STARD3: variants seen among roughly 807,000 people sequenced by gnomAD.
STARD3 encodes the protein StAR related lipid transfer domain containing 3.
In STARD3, 39 loss-of-function variants were observed where a neutral mutation model predicts 62.0. The observed-to-expected ratio is 0.63, with a 90% CI of 0.49 to 0.82. The LOEUF (loss-of-function observed/expected upper bound fraction) is 0.82, where lower values mean the gene tolerates loss of function less well. Ranked by LOEUF, STARD3 falls within the 40% of genes least tolerant of loss-of-function variation. The probability of loss-of-function intolerance (pLI) is 0.00; values close to 1 mark genes in which losing one functional copy is unlikely to be tolerated. For missense variants in STARD3, 543 were observed against 584.5 expected (o/e 0.93, Z 0.73); for synonymous variants, 229 against 242.4 (o/e 0.94, Z 0.51).
At position 39,663,304 on chromosome 17, in the gene STARD3, G is replaced by A. The variant is rs528340131; in HGVS notation, c.*396G>A. On this transcript the variant is annotated 3_prime_UTR_variant, in exon 15 of 15. Transcript: ENST00000336308. The stretch of plus-strand genomic sequence containing the variant: ...GGGCTCTTCATCTGCCTGCGCTCTC[G>A]TCGGTTTTTTTAGGATTATTGAAAG... 25 of 384,930 alleles carry A rather than the reference G, an allele frequency of 6.5e-5. No individual in the cohort carries two copies. The highest frequency in any genetic ancestry group is 5.9e-4 in the East Asian group (16 of 27,024). 23.8% of individuals were successfully genotyped at this position (384,930 alleles called of 1,614,324 possible). A position where few individuals can be genotyped will look rare whatever the true frequency, so the allele number is the denominator to read the frequency against.
intron 1 of STARD3, among the ~76,000 whole-genome samples, chr17:39,649,865 C>CAAA (rs10713558): frequency 0.037 from 3,162 of 84,868 alleles, 89 homozygotes; most frequent in African/African-American, 0.084. Flanking sequence ...GACTCCGTCT[C>CAAA]AAAAAAAAAA....
chr17:39,657,109 G>A, intron 3 of STARD3, 24 bp downstream of exon 3: 1 of 1,612,486 alleles, frequency 6.2e-7, no homozygotes, highest in African/African-American at 1.3e-5. Flanking sequence ...GCTGATCCTG[G>A]GGACCCCGGA....
In STARD3 at chr17:39,663,071, G is replaced by A; in HGVS notation, c.*163G>A. 1.4e-6 allele frequency: 1 copy of A among 693,282 alleles called. No homozygotes were observed. The highest frequency in any genetic ancestry group is 3.6e-5 in the Admixed American group (1 of 27,812). 42.9% of individuals were successfully genotyped at this position (693,282 alleles called of 1,614,324 possible). ...GGAGTTGACTGACTGAGCAGGCTGT[G>A]GGGTGGAGCACTGGACTCCGGGGCC... On this transcript the variant is annotated 3_prime_UTR_variant, in exon 15 of 15. Coordinates refer to ENST00000336308, the MANE Select transcript of STARD3 (RefSeq NM_006804.4).
intron 1 of STARD3, chr17:39,637,633 C>T (rs1229306941): frequency 6.6e-6 from 1 of 152,224 alleles, no homozygotes; most frequent in African/African-American, 2.4e-5. Flanking sequence ...CCCGTGTCTC[C>T]CCAACTTCCT....
intron 2 of STARD3, among the ~76,000 whole-genome samples, chr17:39,655,055 A>G (rs73294098): frequency 0.052 from 7,962 of 152,338 alleles, 271 homozygotes; most frequent in African/African-American, 0.072. Context: ...CAGAGCTTCT[A>G]AGGTCTTAGG....
intron 1 of STARD3, among the ~76,000 whole-genome samples, chr17:39,640,642 G>T (rs1156951170): frequency 6.6e-6 from 1 of 151,484 alleles, no homozygotes; most frequent in Non-Finnish European, 1.5e-5. Context: ...ATAGCAGCAC[G>T]AAGAGGGCAG....
chr17:39,652,540 A>C (rs2057087845), intron 1 of STARD3: 1 of 149,688 alleles, frequency 6.7e-6, no homozygotes, highest in South Asian at 2.1e-4. Context: ...TTCTGAGGAG[A>C]GGACTTTTGA....
chr17:39,640,106 T>C (rs1359886620), intron 1 of STARD3, among the ~76,000 whole-genome samples: 2 of 152,188 alleles, frequency 1.3e-5, no homozygotes, highest in East Asian at 3.8e-4. Context: ...CTGTAGGCCC[T>C]TGGAACCCGC....
intron 1 of STARD3, among the ~76,000 whole-genome samples, chr17:39,640,808 C>G (rs1397234738): frequency 2.0e-5 from 3 of 150,692 alleles, no homozygotes; most frequent in Non-Finnish European, 4.5e-5. Flanking sequence ...ACCCGCAGAG[C>G]CTCCCCGGCT....
At chr17:39,659,132 C>A in intron 8 of STARD3, 26 bp downstream of exon 8, 1 of 1,614,020 alleles carries the variant, frequency 6.2e-7, no homozygotes, top group East Asian at 2.2e-5. Context: ...CCCCTAACCC[C>A]TGCCCTTGGA....
chr17:39,651,051 G>A (rs904468229), intron 1 of STARD3, among the ~76,000 whole-genome samples: 2 of 152,190 alleles, frequency 1.3e-5, no homozygotes, highest in Non-Finnish European at 2.9e-5. Flanking sequence ...CATTGCCAGC[G>A]GCCTGTCACA....
Position 39,660,956 on chromosome 17 carries a change from C to T in STARD3, c.1035-25C>T, listed in dbSNP as rs1223727464. 6.2e-7 allele frequency: 1 copy of T among 1,613,056 alleles called. No homozygotes were observed. The highest frequency in any genetic ancestry group is 8.5e-7 in the Non-Finnish European group (1 of 1,179,470). On this transcript the variant is annotated intron_variant, in intron 12 of 14. Coordinates refer to ENST00000336308, the MANE Select transcript of STARD3 (RefSeq NM_006804.4). The surrounding 1 kb of genome is among the most constrained non-coding windows in gnomAD (Gnocchi z 4.8). ...GCACTTTGGCCTTGGGTCATTGTCC[C>T]CTGAACTAACCCTCCCTCCCGCAGG... is the stretch of plus-strand genomic sequence containing the variant.
At chr17:39,662,531 T>C in intron 14 of STARD3, 187 bp downstream of exon 14, 1 of 656,474 alleles carries the variant, frequency 1.5e-6, no homozygotes, top group East Asian at 2.7e-5. Flanking sequence ...CTGTAGGGCA[T>C]GTGCCCCCCC....
Position 39,660,584 on chromosome 17 carries a change from G to A in STARD3, c.954+58G>A. The stretch of plus-strand genomic sequence containing the variant: ...GATGGGGGCACAGCCACGCCTCAGT[G>A]GGATCACTGAAGCACTCAGCGCCTC... On this transcript the variant is annotated intron_variant, in intron 11 of 14. Transcript: ENST00000336308. The surrounding 1 kb of genome is among the most constrained non-coding windows in gnomAD (Gnocchi z 4.8). The A allele has an allele frequency of 6.3e-7, 1 of 1,580,598 alleles. No homozygotes were observed. The highest frequency in any genetic ancestry group is 8.7e-7 in the Non-Finnish European group (1 of 1,150,874).
intron 8 of STARD3, 61 bp downstream of exon 8, chr17:39,659,167 G>A (rs1005451261): frequency 4.4e-6 from 7 of 1,605,602 alleles, no homozygotes; most frequent in Admixed American, 3.3e-5. Context: ...GAGGGCGGGT[G>A]CAGGGGTCAG....
At position 39,662,748 on chromosome 17, in the gene STARD3, G is replaced by A. The variant is rs910460609; in HGVS notation, c.1234-56G>A. 2.0e-6 allele frequency: 3 copies of A among 1,511,264 alleles called. No individual in the cohort carries two copies. The African/African-American group carries it at 4.2e-5, about 21-fold the overall frequency. 93.6% of individuals were successfully genotyped at this position (1,511,264 alleles called of 1,614,324 possible). Reference sequence around the variant, plus strand: ...CCCCCCTGCTGGTGCCAGCTGCAAGGGGAGACCCTGCTGAGGGCAGGCCAT... The same window carrying A: ...CCCCCCTGCTGGTGCCAGCTGCAAGAGGAGACCCTGCTGAGGGCAGGCCAT... On this transcript the variant is annotated intron_variant, in intron 14 of 14. Transcript: ENST00000336308.
At position 39,660,505 on chromosome 17, in the gene STARD3, C is replaced by A. The variant is rs1244056536; in HGVS notation, c.933C>A (p.Asn311Lys). 6 of 1,613,952 alleles carry A rather than the reference C, an allele frequency of 3.7e-6. No individual in the cohort carries two copies. Among genetic ancestry groups the A allele is most frequent in the Non-Finnish European group, 5.1e-6 (6 of 1,180,028 alleles). ...AGCCCGAGAGGATGGTGCTGTGGAA[C>A]AAGACAGTGACTGCCTGCCAGGTGA... ...ILQPERMVLW[N>K]KTVTACQILQ... Residue 311 changes from asparagine (N) to lysine (K), a missense_variant, in exon 11 of 15, where the codon AAC becomes AAA. Physicochemically the swap from Asn to Lys is moderately conservative, Grantham distance 94. Transcript: ENST00000336308. This position sits in a 1 kb window ranked among gnomAD's most constrained non-coding sequence, Gnocchi z 4.8.
Position 39,658,777 on chromosome 17 carries a change from T to C in STARD3, c.603T>C (p.Ala201=), listed in dbSNP as rs898405618. ...GTGGACCCCTGCTGTTCTCCGGTGC[T>C]CTGTCCGAGGGACAGTTCTATTCAC... ...VARGPLLFSG[A]LSEGQFYSPP... is the part of the protein sequence containing the mutation. The change falls in exon 7 of 15, where the codon GCT becomes GCC. Residue 201 remains alanine (A), a synonymous_variant. Transcript: ENST00000336308. 1.2e-6 allele frequency: 2 copies of C among 1,614,002 alleles called. No homozygotes were observed. The highest frequency in any genetic ancestry group is 1.7e-6 in the Non-Finnish European group (2 of 1,179,992).
chr17:39,654,373 G>A (rs2057107110), intron 2 of STARD3, among the ~76,000 whole-genome samples: 1 of 152,168 alleles, frequency 6.6e-6, no homozygotes, highest in African/African-American at 2.4e-5. Flanking sequence ...CTGCATTCCA[G>A]CCTGAGTGAC....
Sources: allele counts gnomAD v4.1 joint callset (sites outside exome capture counted in the v4.1 genomes callset), GRCh38; gene constraint gnomAD v4.1.1; non-coding constraint Gnocchi (gnomAD v3.1); transcripts MANE v1.5; gene names NCBI Gene and HGNC (gene_info 2026-07-23, HGNC 2026-07-21).